Variants in CDKAL1 observed in about 807,000 individuals in gnomAD.
CDKAL1 encodes threonylcarbamoyladenosine tRNA methylthiotransferase.
A neutral mutation model predicts 68.2 loss-of-function variants in CDKAL1; 32 were observed. The observed-to-expected ratio is 0.47, with a 90% CI of 0.35 to 0.63. The LOEUF (loss-of-function observed/expected upper bound fraction) is 0.63, where lower values mean the gene tolerates loss of function less well. Among genes scored for constraint, CDKAL1 ranks in the 30% least tolerant of loss-of-function variants. CDKAL1 has a pLI of 0.00. For missense variants in CDKAL1, 606 were observed against 696.7 expected, an observed-to-expected ratio of 0.87 and a Z score of 1.47; for synonymous variants, 234 against 244.3, an observed-to-expected ratio of 0.96 and a Z score of 0.39.
chr6:20,825,543 G>T (rs1393119063), intron 8 of CDKAL1, among the ~76,000 whole-genome samples: 2 of 152,028 alleles, frequency 1.3e-5, no homozygotes, highest in Non-Finnish European at 2.9e-5. Flanking sequence ...GTTTGGTGGG[G>T]TTTTTTGTAC....
At chr6:21,015,794 G>T (rs191206385) in intron 11 of CDKAL1, among the ~76,000 whole-genome samples, 1 of 151,868 alleles carries the variant, frequency 6.6e-6, no homozygotes, top group East Asian at 1.9e-4. Flanking sequence ...AGGCGTGATG[G>T]TGCGCACCTG....
chr6:20,712,683 C>T (rs553313230), intron 5 of CDKAL1, among the ~76,000 whole-genome samples: 2 of 151,744 alleles, frequency 1.3e-5, no homozygotes, highest in East Asian at 1.9e-4. Context: ...CTCACTCTGT[C>T]GCCCATGCTG....
Position 21,231,613 on chromosome 6 carries a change from G to C in CDKAL1, c.*574G>C, listed in dbSNP as rs1251875402. 6.6e-6 allele frequency: 1 copy of C among 152,194 alleles called. No homozygotes were observed. Among genetic ancestry groups the C allele is most frequent in the Non-Finnish European group, 1.5e-5 (1 of 68,110 alleles). The allele number at this position is 152,194 out of a possible 1,614,324, so 9.4% of individuals were successfully genotyped here. A position where few individuals can be genotyped will look rare whatever the true frequency, so the allele number is the denominator to read the frequency against. On this transcript the variant is annotated 3_prime_UTR_variant, in exon 16 of 16. Transcript: ENST00000274695. ...AGACAATTTTTTTGTGTTTTCAGTA[G>C]AGACGGAGTTTCACCATGTTGGCCA...
In CDKAL1 at chr6:20,739,612, T is replaced by C. The variant is rs1246594454; in HGVS notation, c.465T>C (p.Ile155=). The C allele has an allele frequency of 1.3e-6, 2 of 1,594,556 alleles. No individual in the cohort carries two copies. The highest frequency in any genetic ancestry group is 2.7e-5 in the African/African-American group (2 of 74,550). ...ACTACCTTAAGGGACTGAGTATCAT[T>C]GGGGTAAGCTTGTACCTGATGCAAA... The part of the protein sequence containing the change: ...RQDYLKGLSI[I]GVQQIDRVVE... The change falls in exon 6 of 16, where the codon ATT becomes ATC. Residue 155 remains isoleucine, a synonymous_variant. Transcript: ENST00000274695.
rs1774656940 is a variant in CDKAL1 at position 20,765,446 on chromosome 6, G to A, written c.517+6803G>A. On this transcript the variant is annotated intron_variant, in intron 7 of 15. Transcript: ENST00000274695. Reference sequence around the variant, plus strand: ...GCTGGGATTACAGGCGTGAGCCACCGCGCCCGGCCGGTTACATTCTTAAAT... The same window carrying A: ...GCTGGGATTACAGGCGTGAGCCACCACGCCCGGCCGGTTACATTCTTAAAT... Among the ~76,000 whole-genome samples, 3 of 30,104 alleles carry A rather than the reference G, an allele frequency of 1.0e-4. 1 individual carries two copies. Among genetic ancestry groups the A allele is most frequent in the African/African-American group, 3.9e-4 (3 of 7,702 alleles). The allele number at this position is 30,104 out of a possible 152,430, so 19.7% of individuals were successfully genotyped here.
intron 5 of CDKAL1, among the ~76,000 whole-genome samples, chr6:20,701,166 C>T (rs537114941): frequency 2.0e-4 from 30 of 152,176 alleles, no homozygotes; most frequent in African/African-American, 7.2e-4. Context: ...AGCTTCCATC[C>T]CCACATGCTG....
intron 10 of CDKAL1, among the ~76,000 whole-genome samples, chr6:20,979,739 A>T (rs1766016363): frequency 1.3e-5 from 2 of 149,220 alleles, no homozygotes; most frequent in African/African-American, 2.5e-5. Context: ...TTTTTAAATG[A>T]TTTATATTGA....
At chr6:20,589,387 G>A (rs1168150068) in intron 4 of CDKAL1, among the ~76,000 whole-genome samples, 1 of 152,190 alleles carries the variant, frequency 6.6e-6, no homozygotes, top group Non-Finnish European at 1.5e-5. Context: ...TGAGAAGAAA[G>A]TGTCAGATTG....
chr6:21,023,560 G>A (rs1422161889), intron 11 of CDKAL1, among the ~76,000 whole-genome samples: 4 of 151,962 alleles, frequency 2.6e-5, no homozygotes, highest in Non-Finnish European at 5.9e-5. Context: ...GTCAAACATT[G>A]TACACTTATC....
intron 6 of CDKAL1, among the ~76,000 whole-genome samples, chr6:20,752,301 C>T (rs553802663): frequency 9.9e-5 from 15 of 152,040 alleles, no homozygotes; most frequent in Admixed American, 6.6e-4. Context: ...GGTTCCCACA[C>T]ACCATCCAGT....
chr6:20,768,340 T>C (rs1359000905), intron 7 of CDKAL1, among the ~76,000 whole-genome samples: 3 of 152,238 alleles, frequency 2.0e-5, no homozygotes, highest in Non-Finnish European at 4.4e-5. Context: ...CATGCGTCTG[T>C]AATATAAAAT....
chr6:20,725,783 T>TAA (rs67587689), intron 5 of CDKAL1, among the ~76,000 whole-genome samples: 1,526 of 99,004 alleles, frequency 0.015, 28 homozygotes, highest in African/African-American at 0.049. Flanking sequence ...AAACTCCGTC[T>TAA]AAAAAAAAAA....
intron 5 of CDKAL1, among the ~76,000 whole-genome samples, chr6:20,686,327 G>T (rs1377053588): frequency 6.6e-6 from 1 of 152,162 alleles, no homozygotes; most frequent in Non-Finnish European, 1.5e-5. Flanking sequence ...AGCTTCATCT[G>T]TGTTTACAGC....
At chr6:21,230,773 A>G in intron 15 of CDKAL1, 75 bp from the exon 16 acceptor site, 2 of 1,194,082 alleles carry the variant, frequency 1.7e-6, no homozygotes, top group Non-Finnish European at 1.1e-6. Context: ...TCTGGAACCC[A>G]TTGCTTGATT....
intron 11 of CDKAL1, among the ~76,000 whole-genome samples, chr6:21,012,865 C>T (rs951359877): frequency 6.6e-6 from 1 of 152,194 alleles, no homozygotes; most frequent in Non-Finnish European, 1.5e-5. Flanking sequence ...AGGGGTTGTA[C>T]AGTAGCGGCT....
chr6:21,088,086 G>T (rs1772800550), intron 12 of CDKAL1, among the ~76,000 whole-genome samples: 2 of 152,122 alleles, frequency 1.3e-5, no homozygotes, highest in Admixed American at 1.3e-4. Context: ...TTGAGGGTAG[G>T]GTTATGCCAG....
chr6:21,128,851 A>C (rs1775146030), intron 13 of CDKAL1, among the ~76,000 whole-genome samples: 1 of 152,224 alleles, frequency 6.6e-6, no homozygotes, highest in Non-Finnish European at 1.5e-5. Context: ...TCTTTCTGTT[A>C]AGGGGTGTTG....
chr6:20,643,018 A>G (rs189700068), intron 4 of CDKAL1, among the ~76,000 whole-genome samples: 4 of 152,160 alleles, frequency 2.6e-5, no homozygotes, highest in Admixed American at 2.6e-4. Context: ...TCCAAAATAG[A>G]TCTGATATCC....
intron 4 of CDKAL1, among the ~76,000 whole-genome samples, chr6:20,613,544 A>AGATT (rs1402615842): frequency 6.7e-6 from 1 of 150,238 alleles, no homozygotes; most frequent in Non-Finnish European, 1.5e-5. Context: ...CGAAGTGCTG[A>AGATT]GATTACATGT....
Sources: allele counts gnomAD v4.1 joint callset (sites outside exome capture counted in the v4.1 genomes callset), GRCh38; gene constraint gnomAD v4.1.1; transcripts MANE v1.5; gene names NCBI Gene and HGNC (gene_info 2026-07-23, HGNC 2026-07-21).